Variants in KCNH8 observed in about 807,000 individuals in gnomAD.
KCNH8 encodes voltage-gated delayed rectifier potassium channel KCNH8.
Under a neutral mutation model 103.6 loss-of-function variants are expected in KCNH8, and 70 were observed. The ratio of observed to expected loss-of-function variants is 0.68; its 90% confidence interval spans 0.56 to 0.82. The LOEUF is 0.82. KCNH8 is among the 40% of genes least tolerant of loss of function. The pLI, the probability that KCNH8 is intolerant of heterozygous loss-of-function variation, is 0.00. For synonymous variants in KCNH8, 498 were observed against 489.4 expected, an observed-to-expected ratio of 1.02 and a Z score of -0.23; for missense variants, 1,217 against 1,329.9, an observed-to-expected ratio of 0.92 and a Z score of 1.32.
Position 19,288,181 on chromosome 3 carries a change from C to CTTTTTTTTTTTCTTTTTTTT in KCNH8, c.442+6863_442+6864insCTTTTTTTTTTTTTTTTTTT, listed in dbSNP as rs2064861256. 1.3e-4 allele frequency among the ~76,000 whole-genome samples: 5 copies of CTTTTTTTTTTTCTTTTTTTT among 38,172 alleles called. 1 individual carries two copies. The highest frequency in any genetic ancestry group is 4.8e-4 in the African/African-American group (5 of 10,388). The allele number at this position is 38,172 out of a possible 152,430, so 25.0% of individuals were successfully genotyped here. A position where few individuals can be genotyped will look rare whatever the true frequency, so the allele number is the denominator to read the frequency against. Reference sequence around the variant, plus strand: ...CTTCTTGCACCGGTGTATCAAACTTCTTTTTTTTTTTTTTTTTTTTTTTTT... The same window carrying CTTTTTTTTTTTCTTTTTTTT: ...CTTCTTGCACCGGTGTATCAAACTTCTTTTTTTTTTTCTTTTTTTTTTTTTTTTTTTTTTTTTTTTTTTTT... On this transcript the variant is annotated intron_variant, in intron 3 of 15. Coordinates refer to ENST00000328405, the MANE Select transcript of KCNH8 (RefSeq NM_144633.3).
chr3:19,484,647 G>A (rs946259535), intron 11 of KCNH8, among the ~76,000 whole-genome samples: 2 of 152,086 alleles, frequency 1.3e-5, no homozygotes, highest in South Asian at 2.1e-4. Flanking sequence ...CTTTACAGCC[G>A]TGGGGGTGGT....
At chr3:19,467,384 A>G (rs1486931409) in intron 11 of KCNH8, among the ~76,000 whole-genome samples, 1 of 152,188 alleles carries the variant, frequency 6.6e-6, no homozygotes, top group Non-Finnish European at 1.5e-5. Context: ...TGGGATAAAC[A>G]TCATTAACAG....
intron 1 of KCNH8, among the ~76,000 whole-genome samples, chr3:19,178,851 G>A (rs1180549889): frequency 1.3e-5 from 2 of 152,124 alleles, no homozygotes; most frequent in Admixed American, 6.5e-5. Context: ...AAGAAGTTGT[G>A]TGTTGGCTGA....
At chr3:19,476,889 A>C (rs1465002162) in intron 11 of KCNH8, among the ~76,000 whole-genome samples, 2 of 152,144 alleles carry the variant, frequency 1.3e-5, no homozygotes, top group African/African-American at 4.8e-5. Context: ...CTTGTAGTTT[A>C]GGTAATTGCA....
intron 7 of KCNH8, among the ~76,000 whole-genome samples, chr3:19,419,492 G>A (rs937841690): frequency 6.6e-6 from 1 of 151,994 alleles, no homozygotes; most frequent in Non-Finnish European, 1.5e-5. Context: ...GAGCCACCGC[G>A]CCCGGCCAAT....
chr3:19,222,993 G>A (rs556512006), intron 1 of KCNH8, among the ~76,000 whole-genome samples: 1 of 152,124 alleles, frequency 6.6e-6, no homozygotes, highest in Non-Finnish European at 1.5e-5. Context: ...TTTGAGCTCC[G>A]GCACAAATAT....
At chr3:19,354,083 A>G (rs1464835510) in intron 5 of KCNH8, among the ~76,000 whole-genome samples, 1 of 152,166 alleles carries the variant, frequency 6.6e-6, no homozygotes, top group Non-Finnish European at 1.5e-5. Context: ...ATTCCTATAC[A>G]CCAATAACAG....
At chr3:19,200,675 C>T (rs1217116685) in intron 1 of KCNH8, among the ~76,000 whole-genome samples, 1 of 151,952 alleles carries the variant, frequency 6.6e-6, no homozygotes, top group Admixed American at 6.6e-5. Context: ...TTGATGTCTT[C>T]CTATGGTATA....
chr3:19,469,818 T>C (rs2067818659), intron 11 of KCNH8, among the ~76,000 whole-genome samples: 1 of 152,186 alleles, frequency 6.6e-6, no homozygotes. Flanking sequence ...AAAATGACTC[T>C]CAGTGCCCCT....
chr3:19,226,797 A>C (rs770560341), intron 1 of KCNH8, among the ~76,000 whole-genome samples: 3 of 152,202 alleles, frequency 2.0e-5, no homozygotes, highest in Non-Finnish European at 4.4e-5. Flanking sequence ...GGGGCTCTGC[A>C]GTGCCCTTCA....
intron 5 of KCNH8, among the ~76,000 whole-genome samples, chr3:19,374,936 C>G (rs1383563561): frequency 6.6e-6 from 1 of 152,026 alleles, no homozygotes; most frequent in African/African-American, 2.4e-5. Context: ...TATTGGCCCC[C>G]ACTCTCTTCT....
intron 5 of KCNH8, among the ~76,000 whole-genome samples, chr3:19,355,066 G>C (rs1196430334): frequency 6.6e-6 from 1 of 152,080 alleles, no homozygotes; most frequent in Non-Finnish European, 1.5e-5. Flanking sequence ...TCAAAAAGTG[G>C]GCAAAGGATA....
At chr3:19,243,190 T>G (rs2064163924) in intron 1 of KCNH8, among the ~76,000 whole-genome samples, 1 of 152,188 alleles carries the variant, frequency 6.6e-6, no homozygotes, top group African/African-American at 2.4e-5. Context: ...TTTGGCTTCC[T>G]TCTTACTACT....
chr3:19,502,377 C>T (rs1477644609), intron 11 of KCNH8, among the ~76,000 whole-genome samples: 2 of 150,284 alleles, frequency 1.3e-5, no homozygotes, highest in African/African-American at 2.4e-5. Flanking sequence ...AATGCCATCC[C>T]CATCAAGCTA....
At chr3:19,420,815 A>G (rs1429933294) in intron 7 of KCNH8, among the ~76,000 whole-genome samples, 2 of 152,198 alleles carry the variant, frequency 1.3e-5, no homozygotes, top group Non-Finnish European at 2.9e-5. Context: ...AGAGTTAGAG[A>G]TACTTAAATG....
At chr3:19,220,161 T>C (rs2063858086) in intron 1 of KCNH8, among the ~76,000 whole-genome samples, 1 of 152,182 alleles carries the variant, frequency 6.6e-6, no homozygotes. Flanking sequence ...TGGAGGCTGA[T>C]GAGGGCAAGC....
chr3:19,239,696 A>G (rs939538579), intron 1 of KCNH8, among the ~76,000 whole-genome samples: 2 of 151,990 alleles, frequency 1.3e-5, no homozygotes, highest in African/African-American at 2.4e-5. Context: ...CTACCTACCT[A>G]TCTATCTAAG....
At chr3:19,224,729 G>A (rs2063910790) in intron 1 of KCNH8, among the ~76,000 whole-genome samples, 1 of 151,986 alleles carries the variant, frequency 6.6e-6, no homozygotes, top group African/African-American at 2.4e-5. Flanking sequence ...GACAAAATGT[G>A]TCATTGATTA....
At chr3:19,381,473 G>T (rs1009385775) in intron 5 of KCNH8, among the ~76,000 whole-genome samples, 3 of 152,096 alleles carry the variant, frequency 2.0e-5, no homozygotes, top group Non-Finnish European at 4.4e-5. Context: ...TGACCTTGGG[G>T]TAGGCAGAAA....
Sources: allele counts gnomAD v4.1 joint callset (sites outside exome capture counted in the v4.1 genomes callset), GRCh38; gene constraint gnomAD v4.1.1; transcripts MANE v1.5; gene names NCBI Gene and HGNC (gene_info 2026-07-23, HGNC 2026-07-21).